Variants in PTPRT observed in about 807,000 individuals in gnomAD.
PTPRT encodes protein tyrosine phosphatase receptor type T, also known as receptor-type tyrosine-protein phosphatase T.
A neutral mutation model predicts 176.8 loss-of-function variants in PTPRT; 56 were observed. The observed-to-expected ratio is 0.32, with a 90% CI of 0.26 to 0.40. The LOEUF (loss-of-function observed/expected upper bound fraction) is 0.40. PTPRT is among the 10% of genes least tolerant of loss of function. The pLI is 1.00. For missense variants in PTPRT, 1,540 were observed against 1,908.2 expected, an observed-to-expected ratio of 0.81 and a Z score of 3.60; for synonymous variants, 783 against 739.0, an observed-to-expected ratio of 1.06 and a Z score of -0.96.
At chr20:42,816,199 A>T (rs967653982) in intron 2 of PTPRT, among the ~76,000 whole-genome samples, 5 of 152,216 alleles carry the variant, frequency 3.3e-5, no homozygotes, top group African/African-American at 1.2e-4. Flanking sequence ...TCATGAAATA[A>T]GAGAAGTTGA....
intron 7 of PTPRT, among the ~76,000 whole-genome samples, chr20:42,590,437 G>A (rs1027521914): frequency 2.0e-4 from 31 of 152,150 alleles, no homozygotes; most frequent in African/African-American, 7.5e-4. Context: ...TATGTGCCAG[G>A]CATTGTGCAA....
intron 1 of PTPRT, among the ~76,000 whole-genome samples, chr20:42,933,739 G>A (rs1057409175): frequency 1.3e-5 from 2 of 152,092 alleles, no homozygotes; most frequent in African/African-American, 4.8e-5. Flanking sequence ...CCCTCTTTTT[G>A]TTGATTTACT....
Position 42,677,918 on chromosome 20 carries a change from C to A in PTPRT, c.1101G>T (p.Glu367Asp), listed in dbSNP as rs767307358. Residue 367 changes from glutamate to aspartate, a missense_variant, in exon 7 of 31, where the codon GAG becomes GAT. This residue lies in a region of PTPRT where 273 missense variants were observed against 432.1 expected (regional missense o/e 0.63). Coordinates refer to ENST00000373187, the MANE Select transcript of PTPRT (RefSeq NM_007050.6). Reference protein sequence around the residue: ...EIRVLLTRPGEGGTGPPGPPL... With the variant: ...EIRVLLTRPGDGGTGPPGPPL... ...GAGGCCCTGGCGGTCCCGTACCCCCCTCACCTGGTCGTGTGAGGAGCACTC... is the reference window on the plus strand; with the variant it reads ...GAGGCCCTGGCGGTCCCGTACCCCCATCACCTGGTCGTGTGAGGAGCACTC... 8.7e-6 allele frequency: 14 copies of A among 1,614,080 alleles called. No homozygotes were observed. Among genetic ancestry groups the A allele is most frequent in the South Asian group, 2.2e-5 (2 of 91,094 alleles).
At chr20:42,170,599 G>A (rs1990037104) in intron 16 of PTPRT, among the ~76,000 whole-genome samples, 1 of 152,072 alleles carries the variant, frequency 6.6e-6, no homozygotes, top group South Asian at 2.1e-4. Context: ...GGCTTGTGGA[G>A]AATTAATTTG....
chr20:42,743,036 G>A (rs2076635245), intron 6 of PTPRT, among the ~76,000 whole-genome samples: 1 of 152,190 alleles, frequency 6.6e-6, no homozygotes, highest in Admixed American at 6.5e-5. Flanking sequence ...GTGCAGAAGA[G>A]ATTAAAAGAA....
At chr20:42,925,410 G>A (rs902066547) in intron 1 of PTPRT, among the ~76,000 whole-genome samples, 1 of 152,168 alleles carries the variant, frequency 6.6e-6, no homozygotes, top group South Asian at 2.1e-4. Flanking sequence ...CTAGAACATG[G>A]TTCCTCCTAG....
intron 1 of PTPRT, among the ~76,000 whole-genome samples, chr20:42,946,032 G>A (rs929371621): frequency 1.3e-5 from 2 of 152,176 alleles, no homozygotes; most frequent in African/African-American, 4.8e-5. Context: ...ATGTTCTAGA[G>A]GTTCATCCAC....
At chr20:43,101,758 C>T (rs2012398320) in intron 1 of PTPRT, among the ~76,000 whole-genome samples, 1 of 152,168 alleles carries the variant, frequency 6.6e-6, no homozygotes, top group Non-Finnish European at 1.5e-5. Context: ...TGGCATGGGG[C>T]TGACTCTGGG....
intron 13 of PTPRT, among the ~76,000 whole-genome samples, chr20:42,259,343 G>C (rs1213238717): frequency 6.6e-6 from 1 of 152,180 alleles, no homozygotes; most frequent in Non-Finnish European, 1.5e-5. Flanking sequence ...CATGGAAATA[G>C]AGGAAAACAG....
At chr20:42,356,819 G>A (rs2058364587) in intron 9 of PTPRT, among the ~76,000 whole-genome samples, 1 of 152,076 alleles carries the variant, frequency 6.6e-6, no homozygotes, top group African/African-American at 2.4e-5. Flanking sequence ...AGCTGGCCTC[G>A]CTCGTCCTCC....
intron 9 of PTPRT, among the ~76,000 whole-genome samples, chr20:42,371,552 T>C (rs1419250722): frequency 6.6e-6 from 1 of 152,212 alleles, no homozygotes; most frequent in Non-Finnish European, 1.5e-5. Context: ...AAAAGGGCCA[T>C]GTTGGCTCTG....
intron 12 of PTPRT, among the ~76,000 whole-genome samples, chr20:42,284,082 G>A: frequency 6.6e-6 from 1 of 151,952 alleles, no homozygotes; most frequent in Non-Finnish European, 1.5e-5. Context: ...AAGAGTTCAA[G>A]TCTTTTGAGC....
At chr20:42,265,852 G>A (rs956413246) in intron 13 of PTPRT, among the ~76,000 whole-genome samples, 1 of 152,132 alleles carries the variant, frequency 6.6e-6, no homozygotes, top group Non-Finnish European at 1.5e-5. Flanking sequence ...AACTCCTTCT[G>A]CCTGGGTCTG....
rs2146290703 is a variant in PTPRT, at chr20:42,110,350, G to T, written c.3237C>A (p.Pro1079=). The T allele has an allele frequency of 3.1e-6, 5 of 1,612,008 alleles. No homozygotes were observed. The highest frequency in any genetic ancestry group is 4.2e-6 in the Non-Finnish European group (5 of 1,178,510). ...VKFLNPPEAG[P]IVVHCSAGAG... is the part of the protein sequence containing the mutation. ...TGACTTACCTGCAGTGGACCACTAT[G>T]GGCCCAGCTTCCGGGGGGTTGAGGA... Residue 1079 remains proline, a synonymous_variant, in exon 23 of 31, where the codon CCC becomes CCA. Coordinates refer to ENST00000373187, the MANE Select transcript of PTPRT (RefSeq NM_007050.6).
chr20:42,896,325 C>T (rs1383182806), intron 1 of PTPRT, among the ~76,000 whole-genome samples: 1 of 151,950 alleles, frequency 6.6e-6, no homozygotes, highest in East Asian at 1.9e-4. Context: ...AATGCAGAGT[C>T]TCTTCTTCAA....
At chr20:42,544,608 G>C (rs6072785) in intron 7 of PTPRT, among the ~76,000 whole-genome samples, 56,677 of 151,884 alleles carry the variant, frequency 0.37, 10,633 homozygotes, top group Admixed American at 0.42. Flanking sequence ...TTTGGGTAGA[G>C]GGGACATTTA....
chr20:42,361,219 G>A (rs2058427800), intron 9 of PTPRT, among the ~76,000 whole-genome samples: 1 of 152,196 alleles, frequency 6.6e-6, no homozygotes, highest in Admixed American at 6.5e-5. Flanking sequence ...CTGGGTCCAT[G>A]CCTGTCCGGC....
intron 7 of PTPRT, among the ~76,000 whole-genome samples, chr20:42,523,835 T>C (rs1235347785): frequency 1.3e-5 from 2 of 151,872 alleles, no homozygotes; most frequent in Non-Finnish European, 2.9e-5. Context: ...TTAGTTAAAA[T>C]TGTAGCCAGG....
intron 7 of PTPRT, among the ~76,000 whole-genome samples, chr20:42,607,086 C>A (rs73907001): frequency 6.6e-6 from 1 of 152,016 alleles, no homozygotes; most frequent in Non-Finnish European, 1.5e-5. Context: ...ATAAGTCAAT[C>A]GCAAAAAGAG....
Sources: allele counts gnomAD v4.1 joint callset (sites outside exome capture counted in the v4.1 genomes callset), GRCh38; gene constraint gnomAD v4.1.1; regional missense constraint gnomAD v4.1.1; transcripts MANE v1.5; gene names NCBI Gene and HGNC (gene_info 2026-07-23, HGNC 2026-07-21).